Variants in ZNF37A observed in about 807,000 individuals in gnomAD.
The protein encoded by ZNF37A is zinc finger protein 37a (KOX 21).
In ZNF37A, 10 loss-of-function variants were observed where a neutral mutation model predicts 12.3. The ratio of observed to expected loss-of-function variants is 0.82; its 90% CI spans 0.50 to 1.38. ZNF37A has a LOEUF of 1.38. ZNF37A is among the 40% of genes most tolerant of loss of function. The probability of loss-of-function intolerance (pLI) is 0.00; values close to 1 mark genes in which losing one functional copy is unlikely to be tolerated. For synonymous variants in ZNF37A, 207 were observed against 223.0 expected (o/e 0.93, Z 0.64); for missense variants, 580 against 651.2 (o/e 0.89, Z 1.19).
At chr10:38,097,583 C>CAAAAAAAAAAAAAAAAAAAAA (rs71007695) in intron 5 of ZNF37A, among the ~76,000 whole-genome samples, 27 of 61,944 alleles carry the variant, frequency 4.4e-4, no homozygotes, top group Admixed American at 6.1e-4. Context: ...GACTCTGTCT[C>CAAAAAAAAAAAAAAAAAAAAA]AAAAAAAAAA....
chr10:38,110,417 T>C (rs1210471377), intron 5 of ZNF37A, among the ~76,000 whole-genome samples: 1 of 152,172 alleles, frequency 6.6e-6, no homozygotes, highest in Non-Finnish European at 1.5e-5. Context: ...ATTCAGTACA[T>C]AGGCATGGGC....
downstream of ZNF37A, among the ~76,000 whole-genome samples, chr10:38,128,814 C>T (rs1244621599): frequency 2.6e-5 from 4 of 152,140 alleles, no homozygotes; most frequent in Non-Finnish European, 5.9e-5. Context: ...AGTGCAGTGG[C>T]ATGATCTTGG....
At chr10:38,128,589 AT>A, downstream of ZNF37A, among the ~76,000 whole-genome samples, 1 of 152,232 alleles carries the variant, frequency 6.6e-6, no homozygotes, top group Admixed American at 6.5e-5. Flanking sequence ...TTAAAAAGTC[AT>A]TTTTTTCCAT....
intron 5 of ZNF37A, among the ~76,000 whole-genome samples, chr10:38,112,742 T>TGGTC (rs201023807): frequency 4.2e-5 from 3 of 70,940 alleles, no homozygotes; most frequent in African/African-American, 1.7e-4. Flanking sequence ...TTTCTTTTCT[T>TGGTC]TTCTTTTCTT....
At chr10:38,109,519 G>A (rs1461041791) in intron 5 of ZNF37A, among the ~76,000 whole-genome samples, 2 of 152,016 alleles carry the variant, frequency 1.3e-5, no homozygotes, top group Non-Finnish European at 1.5e-5. Flanking sequence ...AGAAATAAAG[G>A]GTATTCAGAT....
chr10:38,101,773 G>A (rs550161299), intron 5 of ZNF37A, among the ~76,000 whole-genome samples: 14 of 149,438 alleles, frequency 9.4e-5, no homozygotes, highest in Non-Finnish European at 1.8e-4. Context: ...ATATATAGTT[G>A]GATCATATAT....
At position 38,096,609 on chromosome 10, in the gene ZNF37A, C is replaced by T. The variant is rs552565802; in HGVS notation, c.-9C>T. The T allele has an allele frequency of 8.7e-6, 14 of 1,612,364 alleles. No homozygotes were observed. The South Asian group carries it at 1.2e-4, about 14-fold the overall frequency. On this transcript the variant is annotated 5_prime_UTR_variant, in exon 5 of 8. Coordinates refer to ENST00000685332, the MANE Select transcript of ZNF37A (RefSeq NM_001324250.3). Reference sequence around the variant, plus strand: ...ACAGTTTGCTCTGCTCTTCCAACACCAGTGGAAGATGATCACATCCCAGGT... The same window carrying T: ...ACAGTTTGCTCTGCTCTTCCAACACTAGTGGAAGATGATCACATCCCAGGT...
At position 38,118,071 on chromosome 10, in the gene ZNF37A, C is replaced by G; in HGVS notation, c.920C>G (p.Thr307Ser). Residue 307 changes from threonine (T) to serine (S), a missense_variant, in exon 8 of 8, where the codon ACC becomes AGC. By Grantham distance (58) the Thr-to-Ser change is moderately conservative. Transcript: ENST00000685332. ...KPYECHECGK[T>S]FYKNSDLIKH... ...TATGAATGTCATGAATGTGGGAAGA[C>G]CTTCTATAAGAATTCAGACCTCATT... 6.2e-7 allele frequency: 1 copy of G among 1,613,944 alleles called. No individual in the cohort carries two copies. The highest frequency in any genetic ancestry group is 1.1e-5 in the South Asian group (1 of 91,072).
intron 5 of ZNF37A, among the ~76,000 whole-genome samples, chr10:38,100,303 T>C (rs1448887109): frequency 1.3e-5 from 2 of 152,196 alleles, no homozygotes; most frequent in Non-Finnish European, 2.9e-5. Flanking sequence ...TAACATCTTA[T>C]CAGGAGACAG....
chr10:38,122,299 C>G lies in ZNF37A; in HGVS notation c.*3462C>G, dbSNP rs1352354449. On this transcript the variant is annotated 3_prime_UTR_variant, in exon 8 of 8. Coordinates refer to ENST00000685332, the MANE Select transcript of ZNF37A (RefSeq NM_001324250.3). Reference sequence around the variant, plus strand: ...GTTAATGGATAAACTGTGGAACATCCAGAAAACTTTAACATTCTTCAAAGA... The same window carrying G: ...GTTAATGGATAAACTGTGGAACATCGAGAAAACTTTAACATTCTTCAAAGA... The G allele has an allele frequency of 6.6e-6, 1 of 151,704 alleles. No homozygotes were observed. The highest frequency in any genetic ancestry group is 3.2e-3 in the Middle Eastern group (1 of 312). 9.4% of individuals were successfully genotyped at this position (151,704 alleles called of 1,614,324 possible). A position where few individuals can be genotyped will look rare whatever the true frequency, so the allele number is the denominator to read the frequency against.
intron 5 of ZNF37A, among the ~76,000 whole-genome samples, chr10:38,100,330 G>C (rs1419400642): frequency 6.6e-6 from 1 of 152,096 alleles, no homozygotes; most frequent in African/African-American, 2.4e-5. Context: ...GAGAGCAACC[G>C]GTCTGACCAA....
At chr10:38,146,941 A>T in exon 8 of ZNF37A, 1 of 391,736 alleles carries the variant, frequency 2.6e-6, no homozygotes, top group Non-Finnish European at 4.5e-6. Flanking sequence ...ACAGCAAGCC[A>T]GTGATAAGCA....
At position 38,118,663 on chromosome 10, in the gene ZNF37A, C is replaced by A; in HGVS notation, c.1512C>A (p.Phe504Leu). The change falls in exon 8 of 8, where the codon TTC becomes TTA. Residue 504 changes from phenylalanine to leucine, a missense_variant. Transcript: ENST00000685332. The stretch of plus-strand genomic sequence containing the variant: ...GATGTAATCAATGTGGAAAATCATT[C>A]TGTGTGAAGTCAAAACTCATTGCAC... ...PYGCNQCGKS[F>L]CVKSKLIAHH... 9.9e-6 allele frequency: 16 copies of A among 1,613,704 alleles called. No individual in the cohort carries two copies. The highest frequency in any genetic ancestry group is 1.4e-5 in the Non-Finnish European group (16 of 1,179,940).
intron 7 of ZNF37A, chr10:38,117,189 T>G (rs2069334955): frequency 2.0e-6 from 2 of 984,998 alleles, no homozygotes; most frequent in African/African-American, 3.5e-5. Flanking sequence ...TATAGGACTA[T>G]GAATTAGAAC....
At chr10:38,125,047 C>T (rs1000235619), downstream of ZNF37A, 2 of 152,104 alleles carry the variant, frequency 1.3e-5, no homozygotes, top group African/African-American at 4.8e-5. Context: ...AATATAAGAG[C>T]TCAAACTTAA....
downstream of ZNF37A, among the ~76,000 whole-genome samples, chr10:38,127,181 T>C (rs892764391): frequency 3.3e-5 from 5 of 152,190 alleles, no homozygotes; most frequent in Non-Finnish European, 7.3e-5. Flanking sequence ...CCCATGTTCA[T>C]GGAATGGGAG....
chr10:38,108,098 T>C (rs2068290546), intron 5 of ZNF37A, among the ~76,000 whole-genome samples: 1 of 152,138 alleles, frequency 6.6e-6, no homozygotes, highest in Admixed American at 6.5e-5. Context: ...GACCACATAA[T>C]TGGAAGTAAA....
chr10:38,112,348 T>C (rs1294293749), intron 5 of ZNF37A, among the ~76,000 whole-genome samples: 1 of 152,070 alleles, frequency 6.6e-6, no homozygotes, highest in Non-Finnish European at 1.5e-5. Flanking sequence ...CCTAGGTATG[T>C]GCTTGGCTTT....
Position 38,123,668 on chromosome 10 carries a change from C to G in ZNF37A, c.*4831C>G, listed in dbSNP as rs2069842018. The G allele has an allele frequency of 6.6e-6, 1 of 152,032 alleles. No homozygotes were observed. Among genetic ancestry groups the G allele is most frequent in the Admixed American group, 6.6e-5 (1 of 15,258 alleles). The allele number at this position is 152,032 out of a possible 1,614,324, so 9.4% of individuals were successfully genotyped here. ...ATAGAAAAAAAAATCTGATTTAAAACTGGGCAAAAATCTGAATAGACGTTT... is the reference window on the plus strand; with the variant it reads ...ATAGAAAAAAAAATCTGATTTAAAAGTGGGCAAAAATCTGAATAGACGTTT... On this transcript the variant is annotated 3_prime_UTR_variant, in exon 8 of 8. Coordinates refer to ENST00000685332, the MANE Select transcript of ZNF37A (RefSeq NM_001324250.3).
Sources: allele counts gnomAD v4.1 joint callset (sites outside exome capture counted in the v4.1 genomes callset), GRCh38; gene constraint gnomAD v4.1.1; transcripts MANE v1.5; gene names NCBI Gene and HGNC (gene_info 2026-07-23, HGNC 2026-07-21).